The following GRM5 variants were observed in gnomAD, a reference collection of about 807,000 sequenced individuals.
GRM5 encodes the protein glutamate metabotropic receptor 5.
GRM5 carries 19 observed loss-of-function variants against 83.1 expected under a neutral mutation model. That is an observed-to-expected ratio of 0.23 (90% CI 0.16 to 0.34). The LOEUF (loss-of-function observed/expected upper bound fraction) is 0.34. Ranked by LOEUF, GRM5 falls within the 10% of genes least tolerant of loss-of-function variation. The pLI is 1.00. For missense variants in GRM5, 1,160 were observed against 1,588.3 expected, an observed-to-expected ratio of 0.73 and a Z score of 4.58; for synonymous variants, 675 against 633.6, an observed-to-expected ratio of 1.07 and a Z score of -0.98.
In GRM5 at chr11:88,862,405, T is replaced by C. The variant is rs141521802; in HGVS notation, c.662-12250A>G. 5.9e-5 allele frequency among the ~76,000 whole-genome samples: 9 copies of C among 152,260 alleles called. No individual in the cohort carries two copies. The East Asian group carries it at 1.7e-3, about 29-fold the overall frequency. ...AACTTTATTGTTTTTTGGGGAAATA[T>C]AGTCATTTTCATAAAAACATTATTT... is the stretch of plus-strand genomic sequence containing the variant. On this transcript the variant is annotated intron_variant, in intron 2 of 9. Coordinates refer to ENST00000305447, the MANE Select transcript of GRM5 (RefSeq NM_001143831.3).
chr11:88,738,744 C>A (rs1941968850), intron 3 of GRM5, among the ~76,000 whole-genome samples: 2 of 152,080 alleles, frequency 1.3e-5, no homozygotes, highest in Admixed American at 1.3e-4. Flanking sequence ...TCCATGGCTT[C>A]TTACGGACTA....
intron 2 of GRM5, among the ~76,000 whole-genome samples, chr11:89,009,900 CAAAAAAAA>C (rs758398638): frequency 1.8e-3 from 39 of 21,686 alleles, no homozygotes; most frequent in African/African-American, 2.9e-3. Context: ...GACTCCGTCT[CAAAAAAAA>C]AAAAAAAAAA....
rs150633180 is a variant in GRM5 at position 88,589,861 on chromosome 11, A to G, written c.1690+740T>C. Among the ~76,000 whole-genome samples, 180 of 152,194 alleles carry G rather than the reference A, an allele frequency of 1.2e-3. 2 individuals carry two copies. In the East Asian group the frequency reaches 0.015, roughly 13 times the overall value. On this transcript the variant is annotated intron_variant, in intron 7 of 9. Coordinates refer to ENST00000305447, the MANE Select transcript of GRM5 (RefSeq NM_001143831.3). The stretch of plus-strand genomic sequence containing the variant: ...ATAGAGGTAGTACTTTTATTTCTAT[A>G]TTTTTATTTTAGTGGTAGGAAAATA...
chr11:89,021,746 T>C (rs1439082950), intron 2 of GRM5, among the ~76,000 whole-genome samples: 3 of 152,208 alleles, frequency 2.0e-5, no homozygotes, highest in Non-Finnish European at 4.4e-5. Flanking sequence ...TTTTTGGGCA[T>C]GTCACTTAAG....
Position 88,978,609 on chromosome 11 carries a change from G to T in GRM5, c.661+68603C>A, listed in dbSNP as rs180947124. ...GTCGCATGTGGCTTACAAGGATAAGGGTTGGACAAGCTTGATGTACAGTAT... is the reference window on the plus strand; with the variant it reads ...GTCGCATGTGGCTTACAAGGATAAGTGTTGGACAAGCTTGATGTACAGTAT... On this transcript the variant is annotated intron_variant, in intron 2 of 9. Coordinates refer to ENST00000305447, the MANE Select transcript of GRM5 (RefSeq NM_001143831.3). Among the ~76,000 whole-genome samples, 391 of 151,326 alleles carry T rather than the reference G, an allele frequency of 2.6e-3. 1 individual carries two copies. The highest frequency in any genetic ancestry group is 9.1e-3 in the African/African-American group (375 of 41,314).
At chr11:88,744,247 GA>G (rs1303093879) in intron 3 of GRM5, among the ~76,000 whole-genome samples, 2 of 151,984 alleles carry the variant, frequency 1.3e-5, no homozygotes, top group Non-Finnish European at 2.9e-5. Context: ...AGGCCAGAGG[GA>G]AAAAATGACA....
In GRM5 at chr11:88,693,615, G is replaced by A. The variant is rs563338340; in HGVS notation, c.912-40212C>T. ...GACTTACCCACCGATCACGGTACTA[G>A]GAGACTGGGCTCACCTCTCCATATG... On this transcript the variant is annotated intron_variant, in intron 3 of 9. Transcript: ENST00000305447. Among the ~76,000 whole-genome samples, 16 of 152,296 alleles carry A rather than the reference G, an allele frequency of 1.1e-4. No homozygotes were observed. In the East Asian group the frequency reaches 2.7e-3, roughly 26 times the overall value.
intron 3 of GRM5, among the ~76,000 whole-genome samples, chr11:88,837,134 A>G (rs1019961522): frequency 6.6e-6 from 1 of 152,234 alleles, no homozygotes; most frequent in Non-Finnish European, 1.5e-5. Context: ...CATTTTCAGA[A>G]TCACCTTTAA....
chr11:88,577,907 T>C (rs562004600), intron 7 of GRM5, among the ~76,000 whole-genome samples: 41 of 152,220 alleles, frequency 2.7e-4, no homozygotes, highest in African/African-American at 9.9e-4. Context: ...TGATAATACC[T>C]ATCTGCCTAC....
At chr11:89,064,446 C>A (rs1942057160) in intron 1 of GRM5, among the ~76,000 whole-genome samples, 3 of 152,204 alleles carry the variant, frequency 2.0e-5, no homozygotes, top group Admixed American at 2.0e-4. Context: ...TTTCCACAGA[C>A]CTCTCAGCAT....
intron 3 of GRM5, among the ~76,000 whole-genome samples, chr11:88,827,338 T>C (rs535107295): frequency 1.1e-4 from 16 of 152,212 alleles, no homozygotes; most frequent in Non-Finnish European, 1.8e-4. Context: ...TTTCTGGATG[T>C]CTAGTCACAC....
Position 88,976,869 on chromosome 11 carries a change from AT to A in GRM5, c.661+70342del, listed in dbSNP as rs201634123. ...TCTTTTCTATAAATACAAAAAAAAA[AT>A]ACTTAGATATGCTATTTTTTCCTGT... On this transcript the variant is annotated intron_variant, in intron 2 of 9. Coordinates refer to ENST00000305447, the MANE Select transcript of GRM5 (RefSeq NM_001143831.3). Among the ~76,000 whole-genome samples the A allele has an allele frequency of 2.6e-4, 40 of 151,860 alleles. No individual in the cohort carries two copies. In the East Asian group the frequency reaches 7.5e-3, roughly 29 times the overall value.
intron 3 of GRM5, among the ~76,000 whole-genome samples, chr11:88,830,830 G>A (rs375216427): frequency 2.0e-5 from 3 of 152,088 alleles, no homozygotes; most frequent in East Asian, 1.9e-4. Flanking sequence ...GCAGTTCCAC[G>A]TGCCTGGGGA....
intron 7 of GRM5, among the ~76,000 whole-genome samples, chr11:88,570,571 A>ATATATATATACATACATATTT (rs1405339448): frequency 8.6e-5 from 4 of 46,378 alleles, no homozygotes; most frequent in Non-Finnish European, 1.4e-4. Context: ...ATATATATAT[A>ATATATATATACATACATATTT]TTTTTTTTTT....
intron 3 of GRM5, among the ~76,000 whole-genome samples, chr11:88,798,405 A>C (rs538439916): frequency 6.6e-6 from 1 of 152,288 alleles, no homozygotes; most frequent in Admixed American, 6.5e-5. Context: ...CCCTAAGTTC[A>C]GTATATTACA....
rs536216213 is a variant in GRM5 at position 89,008,777 on chromosome 11, C to T, written c.661+38435G>A. 3.9e-5 allele frequency among the ~76,000 whole-genome samples: 6 copies of T among 152,104 alleles called. No homozygotes were observed. In the South Asian group the frequency reaches 6.2e-4, roughly 16 times the overall value. Reference sequence around the variant, plus strand: ...GTTTCTTCACATTACACTACAAATACGATTACCATCCATAAGTAATGATTT... The same window carrying T: ...GTTTCTTCACATTACACTACAAATATGATTACCATCCATAAGTAATGATTT... On this transcript the variant is annotated intron_variant, in intron 2 of 9. Transcript: ENST00000305447.
chr11:88,866,000 G>A lies in GRM5; in HGVS notation c.662-15845C>T, dbSNP rs181007200. On this transcript the variant is annotated intron_variant, in intron 2 of 9. Coordinates refer to ENST00000305447, the MANE Select transcript of GRM5 (RefSeq NM_001143831.3). ...CAACCATTGTGGAAGACAGTGTGGC[G>A]ATTCCTCAAGGATCTAGAACCAGAA... Among the ~76,000 whole-genome samples, 167 of 152,178 alleles carry A rather than the reference G, an allele frequency of 1.1e-3. 1 individual carries two copies. The highest frequency in any genetic ancestry group is 4.1e-3 in the South Asian group (20 of 4,824).
intron 4 of GRM5, among the ~76,000 whole-genome samples, chr11:88,642,260 T>C (rs990138735): frequency 2.0e-5 from 3 of 152,164 alleles, no homozygotes; most frequent in Admixed American, 6.5e-5. Context: ...GTGGCCTGGA[T>C]GTGGGTAACA....
At chr11:88,730,680 T>C (rs988797740) in intron 3 of GRM5, among the ~76,000 whole-genome samples, 3 of 152,112 alleles carry the variant, frequency 2.0e-5, no homozygotes, top group African/African-American at 4.8e-5. Flanking sequence ...TGGAATACTA[T>C]GAAGCCATAA....
Sources: gnomAD v4.1 joint callset for allele counts (sites outside exome capture counted in the v4.1 genomes callset) on GRCh38, gnomAD v4.1.1 for gene constraint, MANE v1.5 for transcripts, NCBI Gene and HGNC (gene_info 2026-07-23, HGNC 2026-07-21) for gene names.